The following PCDH15 variants were observed in gnomAD, a reference collection of about 807,000 sequenced individuals.
The protein encoded by PCDH15 is protocadherin-15.
Under a neutral mutation model 178.5 loss-of-function variants are expected in PCDH15, and 129 were observed. The ratio of observed to expected loss-of-function variants is 0.72; its 90% CI spans 0.63 to 0.84. The LOEUF (loss-of-function observed/expected upper bound fraction) is 0.84. Ranked by LOEUF, PCDH15 falls within the 40% of genes least tolerant of loss-of-function variation. PCDH15 has a pLI of 0.00. For synonymous variants in PCDH15, 800 were observed against 732.0 expected (o/e 1.09, Z -1.50); for missense variants, 2,230 against 2,099.9 (o/e 1.06, Z -1.21).
At chr10:54,988,616 T>A (rs1839428447) in intron 2 of PCDH15, among the ~76,000 whole-genome samples, 1 of 152,140 alleles carries the variant, frequency 6.6e-6, no homozygotes, top group Non-Finnish European at 1.5e-5. Flanking sequence ...CCCTAGAGAT[T>A]TGTGGAATTT....
intron 3 of PCDH15, among the ~76,000 whole-genome samples, chr10:54,855,054 G>A (rs530213117): frequency 2.0e-5 from 3 of 152,232 alleles, no homozygotes; most frequent in South Asian, 2.1e-4. Flanking sequence ...AGGCTGCAGG[G>A]GGCTGGCATG....
intron 26 of PCDH15, among the ~76,000 whole-genome samples, chr10:53,882,910 T>C (rs959648547): frequency 6.6e-6 from 1 of 152,170 alleles, no homozygotes; most frequent in Non-Finnish European, 1.5e-5. Flanking sequence ...TGCTTTGTGC[T>C]TCTTGCTTTT....
chr10:54,666,824 T>G (rs1456476774), intron 1 of PCDH15, among the ~76,000 whole-genome samples: 1 of 151,948 alleles, frequency 6.6e-6, no homozygotes, highest in African/African-American at 2.4e-5. Flanking sequence ...TTGACTTCCT[T>G]TATAGTAGTT....
chr10:55,370,522 G>A (rs1845481344), intron 2 of PCDH15, among the ~76,000 whole-genome samples: 1 of 151,970 alleles, frequency 6.6e-6, no homozygotes, highest in African/African-American at 2.4e-5. Context: ...TATTGGTTTT[G>A]CAACCAACTG....
chr10:55,363,658 G>A (rs1242803857), intron 2 of PCDH15, among the ~76,000 whole-genome samples: 4 of 151,834 alleles, frequency 2.6e-5, no homozygotes, highest in Admixed American at 6.6e-5. Context: ...GTGGGGGGAC[G>A]GAATTTCGCT....
At chr10:55,254,700 A>G (rs1413840436) in intron 1 of PCDH15, among the ~76,000 whole-genome samples, 1 of 152,230 alleles carries the variant, frequency 6.6e-6, no homozygotes, top group Non-Finnish European at 1.5e-5. Context: ...ATTCCCTAAT[A>G]TCTGTAAAAG....
At chr10:54,757,927 T>G (rs1438361796) in intron 1 of PCDH15, among the ~76,000 whole-genome samples, 1 of 152,190 alleles carries the variant, frequency 6.6e-6, no homozygotes, top group East Asian at 1.9e-4. Context: ...GGTCTCTGAA[T>G]ACAGCCATGC....
At chr10:53,972,632 T>C (rs1242024292) in intron 21 of PCDH15, among the ~76,000 whole-genome samples, 1 of 152,030 alleles carries the variant, frequency 6.6e-6, no homozygotes, top group African/African-American at 2.4e-5. Context: ...GGGCAAAGCA[T>C]ATGAACAGAC....
At chr10:55,067,388 C>T (rs1451270014) in intron 2 of PCDH15, among the ~76,000 whole-genome samples, 2 of 151,938 alleles carry the variant, frequency 1.3e-5, no homozygotes, top group African/African-American at 2.4e-5. Context: ...GTTCCATTCA[C>T]GTTGCTGCAA....
chr10:54,861,981 C>G (rs1292038675), intron 3 of PCDH15, among the ~76,000 whole-genome samples: 2 of 152,054 alleles, frequency 1.3e-5, no homozygotes, highest in Admixed American at 1.3e-4. Context: ...AGACTGGCTA[C>G]AATGATGTTA....
intron 14 of PCDH15, among the ~76,000 whole-genome samples, chr10:54,133,876 CATATAT>C (rs757673947): frequency 9.7e-5 from 13 of 133,386 alleles, no homozygotes; most frequent in African/African-American, 2.7e-4. Context: ...CACACACACA[CATATAT>C]ACACATATAT....
At chr10:53,967,304 C>G (rs1371251939) in intron 21 of PCDH15, among the ~76,000 whole-genome samples, 1 of 152,164 alleles carries the variant, frequency 6.6e-6, no homozygotes, top group African/African-American at 2.4e-5. Context: ...TCTCCCCATC[C>G]CTCTGGAACT....
At chr10:55,001,636 G>T (rs1441154019) in intron 2 of PCDH15, among the ~76,000 whole-genome samples, 2 of 152,148 alleles carry the variant, frequency 1.3e-5, no homozygotes, top group East Asian at 3.9e-4. Flanking sequence ...GTGTACAGTG[G>T]TAAGACCTCA....
At chr10:55,437,204 A>G (rs1284907809) in intron 2 of PCDH15, among the ~76,000 whole-genome samples, 1 of 94,388 alleles carries the variant, frequency 1.1e-5, no homozygotes, top group African/African-American at 4.9e-5. Flanking sequence ...AGCAGGAGAC[A>G]AAAGGATCTC....
At chr10:55,424,644 T>G (rs545154134) in intron 2 of PCDH15, among the ~76,000 whole-genome samples, 1 of 152,246 alleles carries the variant, frequency 6.6e-6, no homozygotes, top group Non-Finnish European at 1.5e-5. Flanking sequence ...TATGAATGCC[T>G]GTGGGTTGTA....
chr10:54,755,049 A>G (rs957070118), intron 1 of PCDH15, among the ~76,000 whole-genome samples: 3 of 148,832 alleles, frequency 2.0e-5, no homozygotes, highest in Non-Finnish European at 4.4e-5. Flanking sequence ...CTTAGGTTCA[A>G]GCGATTCTCC....
intron 3 of PCDH15, among the ~76,000 whole-genome samples, chr10:54,404,284 C>T (rs959077595): frequency 1.6e-4 from 25 of 152,110 alleles, no homozygotes; most frequent in African/African-American, 6.0e-4. Flanking sequence ...TACAGGGCTA[C>T]AGTAACCAAA....
intron 8 of PCDH15, among the ~76,000 whole-genome samples, chr10:54,316,776 C>T (rs2061303608): frequency 6.6e-6 from 1 of 152,088 alleles, no homozygotes; most frequent in Admixed American, 6.6e-5. Flanking sequence ...TCATGCTTCA[C>T]CTTTCTATAT....
intron 2 of PCDH15, among the ~76,000 whole-genome samples, chr10:54,597,806 A>G (rs1175406731): frequency 6.6e-6 from 1 of 152,146 alleles, no homozygotes; most frequent in Non-Finnish European, 1.5e-5. Flanking sequence ...AGGGAATATT[A>G]CCACTGACCC....
Sources: gnomAD v4.1 joint callset for allele counts (sites outside exome capture counted in the v4.1 genomes callset) on GRCh38, gnomAD v4.1.1 for gene constraint, MANE v1.5 for transcripts, NCBI Gene and HGNC (gene_info 2026-07-23, HGNC 2026-07-21) for gene names.